ETV6: variants seen among roughly 807,000 people sequenced by gnomAD.
ETV6 encodes the protein ETS variant transcription factor 6.
In ETV6, 16 loss-of-function variants were observed where a neutral mutation model predicts 51.1. The observed-to-expected ratio is 0.31, with a 90% CI of 0.21 to 0.48. The LOEUF (loss-of-function observed/expected upper bound fraction) is 0.48, where lower values mean the gene tolerates loss of function less well. Ranked by LOEUF, ETV6 falls within the 20% of genes least tolerant of loss-of-function variation. The pLI is 0.99. For missense variants in ETV6, 458 were observed against 594.8 expected (o/e 0.77, Z 2.39); for synonymous variants, 240 against 224.1 (o/e 1.07, Z -0.64).
intron 2 of ETV6, among the ~76,000 whole-genome samples, chr12:11,777,602 G>A (rs917072996): frequency 6.6e-6 from 1 of 151,924 alleles, no homozygotes; most frequent in African/African-American, 2.4e-5. Flanking sequence ...CCCCACCTGC[G>A]CTTAAAACCC....
intron 1 of ETV6, among the ~76,000 whole-genome samples, chr12:11,732,671 TC>T (rs1177907185): frequency 6.6e-6 from 1 of 152,096 alleles, no homozygotes; most frequent in African/African-American, 2.4e-5. Flanking sequence ...CTTGGCCACA[TC>T]CGACACACAG....
intron 3 of ETV6, among the ~76,000 whole-genome samples, chr12:11,850,260 C>T (rs529523630): frequency 6.6e-6 from 1 of 152,272 alleles, no homozygotes; most frequent in East Asian, 1.9e-4. Context: ...TGGCCAGCGT[C>T]AGTATGGGAG....
chr12:11,835,308 G>A (rs1038063393), intron 2 of ETV6, among the ~76,000 whole-genome samples: 9 of 152,200 alleles, frequency 5.9e-5, no homozygotes, highest in Admixed American at 5.2e-4. Flanking sequence ...CACGCTATGC[G>A]CACAGGGAAT....
At chr12:11,777,085 A>T (rs972350663) in intron 2 of ETV6, among the ~76,000 whole-genome samples, 21 of 152,004 alleles carry the variant, frequency 1.4e-4, no homozygotes, top group African/African-American at 4.8e-4. Flanking sequence ...AAAAATATTT[A>T]AAAAATTAGC....
At chr12:11,738,878 T>C (rs918053411) in intron 1 of ETV6, among the ~76,000 whole-genome samples, 14 of 152,158 alleles carry the variant, frequency 9.2e-5, no homozygotes, top group African/African-American at 1.2e-4. Flanking sequence ...CCCCGAGCTC[T>C]AAGAGTTGTG....
intron 2 of ETV6, among the ~76,000 whole-genome samples, chr12:11,796,998 T>A (rs972059014): frequency 7.9e-5 from 12 of 152,202 alleles, no homozygotes; most frequent in African/African-American, 2.9e-4. Flanking sequence ...TGAGCTACCA[T>A]GCCTGGCCTA....
At chr12:11,732,773 A>T (rs1865626155) in intron 1 of ETV6, among the ~76,000 whole-genome samples, 1 of 152,182 alleles carries the variant, frequency 6.6e-6, no homozygotes, top group African/African-American at 2.4e-5. Flanking sequence ...ATGACCCTGG[A>T]TGTCAGAAGA....
intron 2 of ETV6, among the ~76,000 whole-genome samples, chr12:11,792,403 C>T (rs1945612649): frequency 6.6e-6 from 1 of 152,140 alleles, no homozygotes; most frequent in Admixed American, 6.5e-5. Context: ...AAAAATTAAT[C>T]CTCGGCCAGG....
intron 5 of ETV6, among the ~76,000 whole-genome samples, chr12:11,880,032 TAA>T (rs59152213): frequency 0.039 from 4,633 of 117,800 alleles, 254 homozygotes; most frequent in African/African-American, 0.14. Context: ...GTCAATTGTT[TAA>T]AAAAAAAAAA....
chr12:11,889,023 A>T (rs895793976), intron 7 of ETV6, among the ~76,000 whole-genome samples: 14 of 152,028 alleles, frequency 9.2e-5, no homozygotes, highest in African/African-American at 3.4e-4. Context: ...TTATCATTCT[A>T]TATTAAACCT....
At chr12:11,695,817 C>T (rs1864868763) in intron 1 of ETV6, among the ~76,000 whole-genome samples, 1 of 152,174 alleles carries the variant, frequency 6.6e-6, no homozygotes, top group Non-Finnish European at 1.5e-5. Context: ...AGGCGGTGGG[C>T]TCAGGGAGCT....
At position 11,839,142 on chromosome 12, in the gene ETV6, T is replaced by C; in HGVS notation, c.166T>C (p.Leu56=). 6.2e-7 allele frequency: 1 copy of C among 1,613,820 alleles called. No individual in the cohort carries two copies. The change falls in exon 3 of 8, where the codon TTG becomes CTG. Residue 56 remains leucine, a splice_region_variant and synonymous_variant. Coordinates refer to ENST00000396373, the MANE Select transcript of ETV6 (RefSeq NM_001987.5). Reference sequence around the variant, plus strand: ...CTGCCTCATGCTCTCTCCAACAGGCTTGCAGCCAATTTACTGGAGCAGGGA... The same window carrying C: ...CTGCCTCATGCTCTCTCCAACAGGCCTGCAGCCAATTTACTGGAGCAGGGA... ...DSIRLPAHLR[L]QPIYWSRDDV...
At chr12:11,888,999 G>A (rs1353433465) in intron 7 of ETV6, among the ~76,000 whole-genome samples, 1 of 152,030 alleles carries the variant, frequency 6.6e-6, no homozygotes, top group Non-Finnish European at 1.5e-5. Flanking sequence ...CTAGAAGGTA[G>A]AGGATTCTAT....
intron 6 of ETV6, among the ~76,000 whole-genome samples, chr12:11,885,375 C>A (rs1293096008): frequency 6.6e-6 from 1 of 152,198 alleles, no homozygotes; most frequent in African/African-American, 2.4e-5. Context: ...ATGTGTGAGT[C>A]ACTGAGAAAA....
chr12:11,822,423 T>TC (rs1946094737), intron 2 of ETV6, among the ~76,000 whole-genome samples: 1 of 152,230 alleles, frequency 6.6e-6, no homozygotes, highest in Non-Finnish European at 1.5e-5. Context: ...GCACACTCTC[T>TC]CTACCTTTCT....
intron 1 of ETV6, among the ~76,000 whole-genome samples, chr12:11,744,092 ACT>A (rs1368509223): frequency 6.6e-6 from 1 of 152,184 alleles, no homozygotes; most frequent in Non-Finnish European, 1.5e-5. Flanking sequence ...CCCCAGGTCC[ACT>A]GTGAGGGAAC....
chr12:11,787,494 T>C (rs1945505641), intron 2 of ETV6, among the ~76,000 whole-genome samples: 1 of 152,236 alleles, frequency 6.6e-6, no homozygotes, highest in Admixed American at 6.5e-5. Context: ...TTCTCTTTAC[T>C]GTGGGGACTA....
chr12:11,836,040 G>C (rs1056619829), intron 2 of ETV6, among the ~76,000 whole-genome samples: 13 of 152,236 alleles, frequency 8.5e-5, no homozygotes, highest in African/African-American at 3.1e-4. Context: ...AGTACTAGGT[G>C]CATAGTAGTG....
At chr12:11,847,780 C>T (rs890710194) in intron 3 of ETV6, among the ~76,000 whole-genome samples, 9 of 151,974 alleles carry the variant, frequency 5.9e-5, no homozygotes, top group Non-Finnish European at 1.0e-4. Context: ...GGAAGTTTGG[C>T]TATAAAGGGA....
Sources: gnomAD v4.1 joint callset for allele counts (sites outside exome capture counted in the v4.1 genomes callset) on GRCh38, gnomAD v4.1.1 for gene constraint, MANE v1.5 for transcripts, NCBI Gene and HGNC (gene_info 2026-07-23, HGNC 2026-07-21) for gene names.